SLC12A7: variants seen among roughly 807,000 people sequenced by gnomAD.
SLC12A7 encodes solute carrier family 12 member 7, also known as K-Cl cotransporter 4.
A neutral mutation model predicts 120.6 loss-of-function variants in SLC12A7; 100 were observed. The observed-to-expected ratio is 0.83, with a 90% CI of 0.71 to 0.98. The LOEUF (loss-of-function observed/expected upper bound fraction) is 0.98. Ranked by LOEUF, SLC12A7 falls within the 50% of genes least tolerant of loss-of-function variation. The pLI, the probability that SLC12A7 is intolerant of heterozygous loss-of-function variation, is 0.00. For synonymous variants in SLC12A7, 760 were observed against 678.0 expected, an observed-to-expected ratio of 1.12 and a Z score of -1.88; for missense variants, 1,373 against 1,548.1, an observed-to-expected ratio of 0.89 and a Z score of 1.90.
intron 5 of SLC12A7, 133 bp downstream of exon 5, chr5:1,088,173 G>A (rs756544818): frequency 1.3e-4 from 104 of 794,282 alleles, no homozygotes; most frequent in South Asian, 1.1e-3. Context: ...TGGAGAACAC[G>A]CAGAAGGCCC....
the SLC12A7 span, among the ~76,000 whole-genome samples, chr5:1,133,245 T>G: frequency 6.6e-6 from 1 of 152,206 alleles, no homozygotes; most frequent in Non-Finnish European, 1.5e-5. Flanking sequence ...TGTGTTAGTT[T>G]GAAACAAATT....
the SLC12A7 span, among the ~76,000 whole-genome samples, chr5:1,138,238 G>A: frequency 2.0e-5 from 3 of 152,280 alleles, no homozygotes; most frequent in African/African-American, 7.2e-5. Flanking sequence ...ATGAACCCCA[G>A]GGCACCACCC....
the SLC12A7 span, among the ~76,000 whole-genome samples, chr5:1,125,268 A>AGTGTGTGTGTGTGTGT: frequency 9.6e-4 from 145 of 150,480 alleles, no homozygotes; most frequent in Middle Eastern, 6.9e-3. Context: ...TTTAAACGAA[A>AGTGTGTGTGTGTGTGT]GTGTGTGTGT....
At chr5:1,142,901 G>C in the SLC12A7 span, among the ~76,000 whole-genome samples, 1 of 152,086 alleles carries the variant, frequency 6.6e-6, no homozygotes, top group Non-Finnish European at 1.5e-5. Context: ...TAGGTCAGCA[G>C]AAGAGGAAAT....
In SLC12A7 at chr5:1,078,721, T is replaced by C; in HGVS notation, c.1434A>G (p.Glu478=). 3 of 1,612,270 alleles carry C rather than the reference T, an allele frequency of 1.9e-6. No individual in the cohort carries two copies. Among genetic ancestry groups the C allele is most frequent in the East Asian group, 2.2e-5 (1 of 44,822 alleles). The change falls in exon 11 of 24, where the codon GAA becomes GAG. Residue 478 remains glutamate, a synonymous_variant. Coordinates refer to ENST00000264930, the MANE Select transcript of SLC12A7 (RefSeq NM_006598.3). ...SCIVLFGACI[E]GVVLRDKFGE... ...CGTACTTATCTCGTAAGACCACGCC[T>C]TCAATGCAGGCCCCAAACAGCACAA... is the stretch of plus-strand genomic sequence containing the variant.
the SLC12A7 span, among the ~76,000 whole-genome samples, chr5:1,154,862 C>T: frequency 1.2e-4 from 19 of 152,212 alleles, no homozygotes; most frequent in African/African-American, 2.7e-4. Context: ...CCATGCCAGG[C>T]GGGAACAGCA....
intron 1 of SLC12A7, among the ~76,000 whole-genome samples, chr5:1,096,831 AAGGAGGGAGGGAGGGAAGGAGGG>A: frequency 1.7e-5 from 1 of 60,088 alleles, no homozygotes; most frequent in South Asian, 1.1e-3. Context: ...GGAGGGAAGG[AAGGAGGGAGGGAGGGAAGGAGGG>A]AGGGAGGGAT....
intron 3 of SLC12A7, among the ~76,000 whole-genome samples, chr5:1,092,308 C>T (rs991877547): frequency 3.3e-5 from 5 of 152,340 alleles, no homozygotes; most frequent in Admixed American, 2.6e-4. Context: ...GTGGCGTCGA[C>T]GCAAAGCGCA....
chr5:1,092,721 G>C (rs1012046649), intron 3 of SLC12A7, among the ~76,000 whole-genome samples: 1 of 152,090 alleles, frequency 6.6e-6, no homozygotes, highest in Admixed American at 6.5e-5. Context: ...GTTTCTTCCG[G>C]TGGATTATTT....
At chr5:1,143,985 C>A in the SLC12A7 span, among the ~76,000 whole-genome samples, 1 of 139,186 alleles carries the variant, frequency 7.2e-6, no homozygotes, top group African/African-American at 2.7e-5. Flanking sequence ...GGGCACCCTG[C>A]CCTCCTACCC....
At chr5:1,057,185 C>A (rs1037560315) in intron 22 of SLC12A7, 6 of 408,114 alleles carry the variant, frequency 1.5e-5, no homozygotes, top group Non-Finnish European at 2.6e-5. Flanking sequence ...GCGCTTGGCA[C>A]TAGAAGGACC....
the SLC12A7 span, among the ~76,000 whole-genome samples, chr5:1,130,473 G>A: frequency 1.4e-5 from 2 of 146,800 alleles, no homozygotes; most frequent in Non-Finnish European, 3.1e-5. Flanking sequence ...CCCAGGAGAG[G>A]CCACCTGGGG....
chr5:1,130,307 C>A, the SLC12A7 span, among the ~76,000 whole-genome samples: 1 of 152,194 alleles, frequency 6.6e-6, no homozygotes, highest in Non-Finnish European at 1.5e-5. Context: ...GGGACCTGGG[C>A]AGGCACCTCC....
chr5:1,131,895 C>T, the SLC12A7 span, among the ~76,000 whole-genome samples: 1 of 152,202 alleles, frequency 6.6e-6, no homozygotes, highest in Non-Finnish European at 1.5e-5. Flanking sequence ...GTGTACACGG[C>T]AAAGCTCACT....
the SLC12A7 span, among the ~76,000 whole-genome samples, chr5:1,128,144 C>T: frequency 3.9e-5 from 6 of 152,170 alleles, no homozygotes; most frequent in Middle Eastern, 3.2e-3. Context: ...TGGGAGTGGG[C>T]GTGGCTGGGA....
chr5:1,114,349 G>C (rs1050537055), upstream of SLC12A7, among the ~76,000 whole-genome samples: 1 of 152,156 alleles, frequency 6.6e-6, no homozygotes, highest in Non-Finnish European at 1.5e-5. Flanking sequence ...AATCAGGTGA[G>C]TCACGACAGG....
rs12108965 is a variant in SLC12A7, at chr5:1,057,667, T to C, written c.2848-18A>G. 0.99 allele frequency: 1,566,358 copies of C among 1,585,844 alleles called. 775,389 individuals are homozygous for C. The highest frequency in any genetic ancestry group is 1 in the East Asian group (44,746 of 44,752). On this transcript the variant is annotated intron_variant, in intron 21 of 23. Transcript: ENST00000264930. ...AGCTGGGCCTGGCGGGCCCGGGACT[T>C]GGTGAGACCAGCCGGTCTCAAAACT...
chr5:1,087,123 A>G (rs1298184611), intron 5 of SLC12A7, 90 bp from the exon 6 acceptor site: 5 of 1,462,508 alleles, frequency 3.4e-6, no homozygotes, highest in Non-Finnish European at 4.5e-6. Flanking sequence ...CGGGCAAAGG[A>G]GGGCCTGTCT....
At chr5:1,087,134 C>T (rs1739954506) in intron 5 of SLC12A7, 101 bp from the exon 6 acceptor site, 2 of 1,428,076 alleles carry the variant, frequency 1.4e-6, no homozygotes, top group East Asian at 5.0e-5. Context: ...GGGCCTGTCT[C>T]TGCGAAGGCA....
Sources: allele counts gnomAD v4.1 joint callset (sites outside exome capture counted in the v4.1 genomes callset), GRCh38; gene constraint gnomAD v4.1.1; transcripts MANE v1.5; gene names NCBI Gene and HGNC (gene_info 2026-07-23, HGNC 2026-07-21).